CCDC40: variants seen among roughly 807,000 people sequenced by gnomAD.
The protein encoded by CCDC40 is coiled-coil domain-containing protein 40.
Under a neutral mutation model 124.5 loss-of-function variants are expected in CCDC40, and 104 were observed. That is an observed-to-expected ratio of 0.84 (90% CI 0.71 to 0.98). CCDC40 has a LOEUF of 0.98. CCDC40 is among the 50% of genes least tolerant of loss of function. The pLI is 0.00. For synonymous variants in CCDC40, 580 were observed against 602.9 expected, an observed-to-expected ratio of 0.96 and a Z score of 0.56; for missense variants, 1,463 against 1,503.9, an observed-to-expected ratio of 0.97 and a Z score of 0.45.
At chr17:80,059,070 C>T (rs566222068) in intron 9 of CCDC40, 90 bp downstream of exon 9, 2 of 1,511,434 alleles carry the variant, frequency 1.3e-6, no homozygotes, top group South Asian at 2.3e-5. Flanking sequence ...CTGCACCTGC[C>T]CGTCTGCTGG....
intron 3 of CCDC40, among the ~76,000 whole-genome samples, chr17:80,040,859 A>G (rs932243450): frequency 2.6e-5 from 4 of 152,116 alleles, no homozygotes; most frequent in Admixed American, 1.3e-4. Flanking sequence ...GCATTGTCCA[A>G]TACGGTCCAT....
chr17:80,051,037 G>A (rs992320032), intron 7 of CCDC40, among the ~76,000 whole-genome samples: 3 of 152,222 alleles, frequency 2.0e-5, no homozygotes, highest in African/African-American at 4.8e-5. Flanking sequence ...GCTACAGCAC[G>A]TGCTATGCAA....
At chr17:80,082,968 A>G (rs2038494135) in intron 12 of CCDC40, among the ~76,000 whole-genome samples, 1 of 152,152 alleles carries the variant, frequency 6.6e-6, no homozygotes, top group South Asian at 2.1e-4. Context: ...ATGGGCTGAT[A>G]GAAGGTGGGG....
rs1446710882 is a variant in CCDC40 at position 80,097,231 on chromosome 17, T to C, written c.3022-14T>C. ...GGGCTGCAGGGGCCCAGCATGGTCC[T>C]GTGATTCTCCTAGGCCACCGATGAG... On this transcript the variant is annotated splice_polypyrimidine_tract_variant and intron_variant, in intron 18 of 19. Transcript: ENST00000397545. 5 of 1,613,682 alleles carry C rather than the reference T, an allele frequency of 3.1e-6. No individual in the cohort carries two copies. Among genetic ancestry groups the C allele is most frequent in the African/African-American group, 2.7e-5 (2 of 74,938 alleles).
chr17:80,076,027 C>T (rs556942106), intron 10 of CCDC40, among the ~76,000 whole-genome samples: 1 of 152,238 alleles, frequency 6.6e-6, no homozygotes, highest in Admixed American at 6.5e-5. Context: ...TGAGCGTTTT[C>T]TTGAGGTGGA....
At chr17:80,051,787 C>T (rs116717452) in intron 7 of CCDC40, among the ~76,000 whole-genome samples, 2,147 of 152,342 alleles carry the variant, frequency 0.014, 52 homozygotes, top group African/African-American at 0.049. Context: ...TGAAGGAGGA[C>T]GCGTGCCCCT....
At position 80,100,116 on chromosome 17, in the gene CCDC40, C is replaced by T. The variant is rs2038895089; in HGVS notation, c.*341C>T. The T allele has an allele frequency of 5.5e-6, 2 of 360,648 alleles. No individual in the cohort carries two copies. The highest frequency in any genetic ancestry group is 1.1e-5 in the Non-Finnish European group (2 of 188,514). The allele number at this position is 360,648 out of a possible 1,614,324, so 22.3% of individuals were successfully genotyped here. A position where few individuals can be genotyped will look rare whatever the true frequency, so the allele number is the denominator to read the frequency against. ...TCTGCACGTGCCTCTCACAACACAA[C>T]GCTGCCACAGGTCCACAAGCTGGTG... On this transcript the variant is annotated 3_prime_UTR_variant, in exon 20 of 20. Transcript: ENST00000397545.
rs764027517 is a variant in CCDC40, at chr17:80,087,267, C to T, written c.2450-340C>T. The stretch of plus-strand genomic sequence containing the variant: ...CAGTGTCTGAGCATCAACCAGGTCC[C>T]GGTGCTCCACAGATTTGCAAGTGTC... On this transcript the variant is annotated intron_variant, in intron 14 of 19. Coordinates refer to ENST00000397545, the MANE Select transcript of CCDC40 (RefSeq NM_017950.4). The surrounding 1 kb of genome is among the most constrained non-coding windows in gnomAD (Gnocchi z 4.5). 312 of 400,056 alleles carry T rather than the reference C, an allele frequency of 7.8e-4. 1 individual carries two copies. The highest frequency in any genetic ancestry group is 3.3e-3 in the South Asian group (145 of 44,450). The allele number at this position is 400,056 out of a possible 1,614,324, so 24.8% of individuals were successfully genotyped here.
intron 3 of CCDC40, among the ~76,000 whole-genome samples, chr17:80,045,329 T>C (rs2037394509): frequency 6.6e-6 from 1 of 152,252 alleles, no homozygotes; most frequent in South Asian, 2.1e-4. Flanking sequence ...AGCAAAACCC[T>C]GACTCATTGT....
Position 80,058,996 on chromosome 17 carries a change from G to T in CCDC40, c.1440+16G>T, listed in dbSNP as rs192026179. 1 of 1,614,172 alleles carries T rather than the reference G, an allele frequency of 6.2e-7. No individual in the cohort carries two copies. The highest frequency in any genetic ancestry group is 8.5e-7 in the Non-Finnish European group (1 of 1,180,012). ...AGTGAGTGAGGTAAAAGCAGTCCCC[G>T]CAGCTCTCAGTGTTCGACCCTCCAG... On this transcript the variant is annotated intron_variant, in intron 9 of 19. Coordinates refer to ENST00000397545, the MANE Select transcript of CCDC40 (RefSeq NM_017950.4). This position sits in a 1 kb window ranked among gnomAD's most constrained non-coding sequence, Gnocchi z 4.2.
chr17:80,050,726 G>GA (rs2037562203), intron 7 of CCDC40, among the ~76,000 whole-genome samples: 1 of 152,248 alleles, frequency 6.6e-6, no homozygotes, highest in Non-Finnish European at 1.5e-5. Context: ...TTACAGGCAT[G>GA]AGACACTGCA....
At chr17:80,059,075 T>C (rs183509872) in intron 9 of CCDC40, 95 bp downstream of exon 9, 1 of 1,491,378 alleles carries the variant, frequency 6.7e-7, no homozygotes, top group East Asian at 2.3e-5. Context: ...CCTGCCCGTC[T>C]GCTGGATGAG....
Position 80,087,910 on chromosome 17 carries a change from GC to G in CCDC40, c.2620-99del. ...TGCTTGTAGGGGTATTAGAAATCCA[GC>G]CTGCAGCCCTGCCCTCGGTGCCGGG... On this transcript the variant is annotated intron_variant, in intron 15 of 19. Coordinates refer to ENST00000397545, the MANE Select transcript of CCDC40 (RefSeq NM_017950.4). This position sits in a 1 kb window ranked among gnomAD's most constrained non-coding sequence, Gnocchi z 4.5. 4 of 1,291,432 alleles carry G rather than the reference GC, an allele frequency of 3.1e-6. No individual in the cohort carries two copies. In the Admixed American group the frequency reaches 5.0e-5, roughly 16 times the overall value. The allele number at this position is 1,291,432 out of a possible 1,614,324, so 80.0% of individuals were successfully genotyped here. A position where few individuals can be genotyped will look rare whatever the true frequency, so the allele number is the denominator to read the frequency against.
At chr17:80,049,337 G>A (rs1425244422) in intron 5 of CCDC40, among the ~76,000 whole-genome samples, 5 of 151,828 alleles carry the variant, frequency 3.3e-5, no homozygotes, top group East Asian at 1.9e-4. Context: ...CCCAAGAGGC[G>A]GAGGTTGCAT....
intron 4 of CCDC40, 138 bp downstream of exon 4, chr17:80,047,540 T>A: frequency 2.4e-6 from 2 of 829,052 alleles, no homozygotes; most frequent in Non-Finnish European, 3.9e-6. Flanking sequence ...AAAATCTTAT[T>A]AACAGATATG....
intron 10 of CCDC40, among the ~76,000 whole-genome samples, chr17:80,080,823 AG>A (rs2038429647): frequency 6.6e-6 from 1 of 152,190 alleles, no homozygotes; most frequent in Non-Finnish European, 1.5e-5. Flanking sequence ...AAATACAGTG[AG>A]GGAGAAGGAA....
At chr17:80,040,857 C>T (rs1251463810) in intron 3 of CCDC40, among the ~76,000 whole-genome samples, 6 of 152,068 alleles carry the variant, frequency 3.9e-5, no homozygotes, top group African/African-American at 1.2e-4. Flanking sequence ...CAGCATTGTC[C>T]AATACGGTCC....
rs548958287 is a variant in CCDC40, at chr17:80,066,321, G to T, written c.1562+715G>T. On this transcript the variant is annotated intron_variant, in intron 10 of 19. Coordinates refer to ENST00000397545, the MANE Select transcript of CCDC40 (RefSeq NM_017950.4). The surrounding 1 kb of genome is among the most constrained non-coding windows in gnomAD (Gnocchi z 4.4). Reference sequence around the variant, plus strand: ...GGGTCTGGCTGGCCCCACAGCACCCGCAGCCAGGCAGCCAGCAGCAGTCAC... The same window carrying T: ...GGGTCTGGCTGGCCCCACAGCACCCTCAGCCAGGCAGCCAGCAGCAGTCAC... 3.4e-6 allele frequency: 2 copies of T among 585,500 alleles called. No individual in the cohort carries two copies. The highest frequency in any genetic ancestry group is 2.1e-5 in the South Asian group (1 of 48,218). The allele number at this position is 585,500 out of a possible 1,614,324, so 36.3% of individuals were successfully genotyped here. A position where few individuals can be genotyped will look rare whatever the true frequency, so the allele number is the denominator to read the frequency against.
Position 80,087,371 on chromosome 17 carries a change from G to T in CCDC40, c.2450-236G>T. On this transcript the variant is annotated intron_variant, in intron 14 of 19. Coordinates refer to ENST00000397545, the MANE Select transcript of CCDC40 (RefSeq NM_017950.4). This position sits in a 1 kb window ranked among gnomAD's most constrained non-coding sequence, Gnocchi z 4.5. ...CCCACAGGCAGGTCCTCTCAGTTCC[G>T]TTGGAGGACCAGGCTTTGGGAGCTT... 1 of 568,282 alleles carries T rather than the reference G, an allele frequency of 1.8e-6. No homozygotes were observed. 35.2% of individuals were successfully genotyped at this position (568,282 alleles called of 1,614,324 possible).
Sources: gnomAD v4.1 joint callset for allele counts (sites outside exome capture counted in the v4.1 genomes callset) on GRCh38, gnomAD v4.1.1 for gene constraint, Gnocchi (gnomAD v3.1) non-coding constraint, MANE v1.5 for transcripts, NCBI Gene and HGNC (gene_info 2026-07-23, HGNC 2026-07-21) for gene names.